SGCZ: variants seen among roughly 807,000 people sequenced by gnomAD.
SGCZ encodes the protein zeta-sarcoglycan.
SGCZ carries 40 observed loss-of-function variants against 41.3 expected under a neutral mutation model. That is an observed-to-expected ratio of 0.97 (90% CI 0.75 to 1.26). The LOEUF (loss-of-function observed/expected upper bound fraction) is 1.26, where lower values mean the gene tolerates loss of function less well. SGCZ is among the 50% of genes most tolerant of loss of function. SGCZ has a pLI of 0.00. For synonymous variants in SGCZ, 206 were observed against 137.5 expected (o/e 1.50, Z -3.49); for missense variants, 552 against 369.8 (o/e 1.49, Z -4.04).
chr8:14,335,207 G>C (rs1802467576), intron 2 of SGCZ, among the ~76,000 whole-genome samples: 1 of 152,098 alleles, frequency 6.6e-6, no homozygotes, highest in Non-Finnish European at 1.5e-5. Flanking sequence ...GTAACATTTA[G>C]CCTCTTAGAC....
At chr8:14,834,645 G>A (rs1006260964) in intron 1 of SGCZ, among the ~76,000 whole-genome samples, 1 of 152,172 alleles carries the variant, frequency 6.6e-6, no homozygotes, top group Non-Finnish European at 1.5e-5. Context: ...TCGCACTTTG[G>A]AGCGGAAGTG....
Position 14,832,201 on chromosome 8 carries a change from C to T in SGCZ, c.40-277275G>A, listed in dbSNP as rs564085846. On this transcript the variant is annotated intron_variant, in intron 1 of 7. Coordinates refer to ENST00000382080, the MANE Select transcript of SGCZ (RefSeq NM_139167.4). Reference sequence around the variant, plus strand: ...TTAATTCTTTTATTTAGAAGGATCACATTCTAACTATTCTATTTGCTTTCT... The same window carrying T: ...TTAATTCTTTTATTTAGAAGGATCATATTCTAACTATTCTATTTGCTTTCT... Among the ~76,000 whole-genome samples, 61 of 152,258 alleles carry T rather than the reference C, an allele frequency of 4.0e-4. 4 individuals carry two copies. The South Asian group carries it at 0.012, about 31-fold the overall frequency.
intron 1 of SGCZ, among the ~76,000 whole-genome samples, chr8:15,097,629 G>C (rs1397430729): frequency 6.6e-6 from 1 of 151,180 alleles, no homozygotes; most frequent in African/African-American, 2.4e-5. Context: ...AATGTTGACT[G>C]CCTGTAGTAC....
intron 3 of SGCZ, among the ~76,000 whole-genome samples, chr8:14,289,527 AC>A (rs1355608726): frequency 2.0e-5 from 3 of 152,048 alleles, no homozygotes; most frequent in Non-Finnish European, 4.4e-5. Context: ...AGAGACTATG[AC>A]TTTCCCATCA....
chr8:14,812,124 C>T (rs1420274676), intron 1 of SGCZ, among the ~76,000 whole-genome samples: 2 of 151,808 alleles, frequency 1.3e-5, no homozygotes, highest in African/African-American at 4.8e-5. Flanking sequence ...GCAATTTATA[C>T]ATTTTAAAGA....
chr8:14,214,091 C>T (rs1021712193), intron 4 of SGCZ, among the ~76,000 whole-genome samples: 2 of 152,042 alleles, frequency 1.3e-5, no homozygotes, highest in African/African-American at 4.8e-5. Flanking sequence ...ATCAAAGCTA[C>T]CACCAAGTAT....
At chr8:15,001,728 CAAAAAAAAAAAAA>C (rs1223307583) in intron 1 of SGCZ, among the ~76,000 whole-genome samples, 24 of 81,048 alleles carry the variant, frequency 3.0e-4, no homozygotes, top group African/African-American at 9.3e-4. Flanking sequence ...GACTCCGTCT[CAAAAAAAAAAAAA>C]AAAAAAAAAA....
At chr8:15,021,482 G>A (rs956995193) in intron 1 of SGCZ, among the ~76,000 whole-genome samples, 1 of 152,180 alleles carries the variant, frequency 6.6e-6, no homozygotes, top group Non-Finnish European at 1.5e-5. Flanking sequence ...ACACCCCTCT[G>A]ACTTCCAACT....
chr8:14,091,234 C>T (rs1801680825), intron 7 of SGCZ, among the ~76,000 whole-genome samples: 1 of 151,538 alleles, frequency 6.6e-6, no homozygotes, highest in Non-Finnish European at 1.5e-5. Flanking sequence ...TCTAGTGTGT[C>T]ATTGATGGAC....
intron 1 of SGCZ, among the ~76,000 whole-genome samples, chr8:14,640,522 G>A (rs762957070): frequency 6.6e-6 from 1 of 151,562 alleles, no homozygotes; most frequent in Non-Finnish European, 1.5e-5. Context: ...TCACAATAAT[G>A]TATCTTCGTG....
At chr8:14,108,394 C>G (rs528165696) in intron 5 of SGCZ, among the ~76,000 whole-genome samples, 159 bp from the exon 6 acceptor site, 64 of 152,196 alleles carry the variant, frequency 4.2e-4, no homozygotes, top group Non-Finnish European at 9.1e-4. Flanking sequence ...AAGACATATC[C>G]GAGACTGAGA....
intron 1 of SGCZ, among the ~76,000 whole-genome samples, chr8:14,696,486 G>A (rs1014446321): frequency 6.6e-6 from 1 of 152,058 alleles, no homozygotes; most frequent in Non-Finnish European, 1.5e-5. Context: ...AATAATTGCA[G>A]AGCAAAAAGG....
chr8:14,126,782 CA>C (rs1343929664), intron 5 of SGCZ, among the ~76,000 whole-genome samples: 4 of 152,178 alleles, frequency 2.6e-5, no homozygotes, highest in African/African-American at 9.7e-5. Context: ...GGTGCATATA[CA>C]CCACGGAATA....
chr8:14,423,677 G>C (rs1194110356), intron 2 of SGCZ, among the ~76,000 whole-genome samples: 1 of 152,166 alleles, frequency 6.6e-6, no homozygotes, highest in Admixed American at 6.5e-5. Context: ...GCCTCCCAAA[G>C]TGCTGGTATT....
At chr8:14,217,823 G>T (rs979783199) in intron 4 of SGCZ, among the ~76,000 whole-genome samples, 1 of 151,610 alleles carries the variant, frequency 6.6e-6, no homozygotes, top group Non-Finnish European at 1.5e-5. Context: ...TAGAGACAAG[G>T]TTTCACCATG....
chr8:14,957,873 G>A (rs1472286160), intron 1 of SGCZ, among the ~76,000 whole-genome samples: 1 of 151,994 alleles, frequency 6.6e-6, no homozygotes, highest in Non-Finnish European at 1.5e-5. Flanking sequence ...ACTTACGTAA[G>A]TAAATGTTCA....
intron 1 of SGCZ, among the ~76,000 whole-genome samples, chr8:14,797,866 G>C (rs146126441): frequency 6.6e-6 from 1 of 152,220 alleles, no homozygotes; most frequent in African/African-American, 2.4e-5. Context: ...CAATGGCTTC[G>C]TAGGGTGAAA....
intron 1 of SGCZ, among the ~76,000 whole-genome samples, chr8:15,002,425 G>C (rs1802460128): frequency 6.6e-6 from 1 of 152,078 alleles, no homozygotes; most frequent in African/African-American, 2.4e-5. Flanking sequence ...GGTTTCTGAG[G>C]CTTCTTAATC....
intron 1 of SGCZ, among the ~76,000 whole-genome samples, chr8:14,711,489 C>G (rs1809514058): frequency 6.8e-6 from 1 of 147,726 alleles, no homozygotes; most frequent in Non-Finnish European, 1.5e-5. Flanking sequence ...GTAGTCCCAG[C>G]TACTGAGAAG....
Sources: allele counts gnomAD v4.1 joint callset (sites outside exome capture counted in the v4.1 genomes callset), GRCh38; gene constraint gnomAD v4.1.1; transcripts MANE v1.5; gene names NCBI Gene and HGNC (gene_info 2026-07-23, HGNC 2026-07-21).